The following PYM1 variants were observed in gnomAD, a reference collection of about 807,000 sequenced individuals.
PYM1 encodes PYM1 exon junction complex associated factor.
In PYM1, 7 loss-of-function variants were observed where a neutral mutation model predicts 20.7. The observed-to-expected ratio is 0.34, with a 90% confidence interval of 0.19 to 0.64. PYM1 has a LOEUF of 0.64. Ranked by LOEUF, PYM1 falls within the 30% of genes least tolerant of loss-of-function variation. The probability of loss-of-function intolerance (pLI) is 0.74; values close to 1 mark genes in which losing one functional copy is unlikely to be tolerated. For synonymous variants in PYM1, 100 were observed against 99.2 expected (o/e 1.01, Z -0.05); for missense variants, 194 against 250.0 (o/e 0.78, Z 1.51).
rs1883225917 is a variant in PYM1 at position 55,927,866 on chromosome 12, C to T, written c.-105G>A. 1 of 1,435,274 alleles carries T rather than the reference C, an allele frequency of 7.0e-7. No individual in the cohort carries two copies. The highest frequency in any genetic ancestry group is 1.4e-5 in the African/African-American group (1 of 70,190). 88.9% of individuals were successfully genotyped at this position (1,435,274 alleles called of 1,614,324 possible). A position where few individuals can be genotyped will look rare whatever the true frequency, so the allele number is the denominator to read the frequency against. ...GGCGAAGTGATGAGGGCCCTAGTTG[C>T]TTCTCGCCCAGACCTCCTAACCCTG... On this transcript the variant is annotated 5_prime_UTR_variant, in exon 1 of 3. Coordinates refer to ENST00000408946, the MANE Select transcript of PYM1 (RefSeq NM_032345.3).
At chr12:55,903,617 A>G (rs1208895709) in intron 1 of PYM1, 137 bp from the exon 2 acceptor site, 1 of 712,294 alleles carries the variant, frequency 1.4e-6, no homozygotes, top group Non-Finnish European at 2.3e-6. Flanking sequence ...CTTTTCTCAT[A>G]CCAACACTCA....
chr12:55,909,433 C>G (rs1283677563), intron 1 of PYM1, among the ~76,000 whole-genome samples: 1 of 152,190 alleles, frequency 6.6e-6, no homozygotes, highest in Non-Finnish European at 1.5e-5. Flanking sequence ...ATTTTAATAT[C>G]TGGCACATGG....
At chr12:55,908,505 A>G (rs894986177) in intron 1 of PYM1, among the ~76,000 whole-genome samples, 9 of 152,048 alleles carry the variant, frequency 5.9e-5, no homozygotes, top group Non-Finnish European at 7.4e-5. Context: ...CATGAATTAT[A>G]TATTATTACA....
chr12:55,922,509 C>T (rs1005401489), intron 1 of PYM1, among the ~76,000 whole-genome samples: 9 of 148,458 alleles, frequency 6.1e-5, no homozygotes, highest in Admixed American at 2.7e-4. Context: ...CCTAGATACT[C>T]AGGAGGCTGA....
chr12:55,920,438 G>T (rs1883078411), intron 1 of PYM1, among the ~76,000 whole-genome samples: 1 of 151,938 alleles, frequency 6.6e-6, no homozygotes, highest in African/African-American at 2.4e-5. Context: ...AGGAGTTCAA[G>T]ACCAGCCTAG....
At chr12:55,903,312 T>C in intron 2 of PYM1, 75 bp downstream of exon 2, 1 of 1,344,078 alleles carries the variant, frequency 7.4e-7, no homozygotes, top group East Asian at 2.3e-5. Flanking sequence ...CTCCCTGAAC[T>C]TGTAGGCATA....
chr12:55,905,335 T>C (rs528138637), intron 1 of PYM1, among the ~76,000 whole-genome samples: 3 of 151,860 alleles, frequency 2.0e-5, no homozygotes, highest in East Asian at 1.9e-4. Context: ...AAAGAGATCA[T>C]ATTCATTAAT....
chr12:55,927,168 C>T, intron 1 of PYM1: 1 of 1,551,122 alleles, frequency 6.4e-7, no homozygotes, highest in Non-Finnish European at 8.7e-7. Flanking sequence ...CCCTCCCCAC[C>T]GGAAGTGGAG....
intron 1 of PYM1, among the ~76,000 whole-genome samples, chr12:55,919,695 C>G (rs1390573316): frequency 6.6e-6 from 1 of 151,324 alleles, no homozygotes; most frequent in Non-Finnish European, 1.5e-5. Context: ...GTCAGGAGTT[C>G]GAGACCAGCC....
At chr12:55,927,509 C>T in intron 1 of PYM1, 2 of 688,268 alleles carry the variant, frequency 2.9e-6, no homozygotes, top group Non-Finnish European at 5.0e-6. Context: ...CTCTGGCCTG[C>T]ACCCAGATCT....
chr12:55,906,413 A>G (rs1473539538), intron 1 of PYM1, among the ~76,000 whole-genome samples: 1 of 152,138 alleles, frequency 6.6e-6, no homozygotes, highest in African/African-American at 2.4e-5. Flanking sequence ...TGATTAGTAT[A>G]ATTTGGTGCC....
Position 55,926,111 on chromosome 12 carries a change from T to C in PYM1, c.37+1614A>G, listed in dbSNP as rs12581069. ...CAGGCACACTGTTGCTTCTACAGAC[T>C]ACAGACTACACATATGAGGGCTACA... On this transcript the variant is annotated intron_variant, in intron 1 of 2. Coordinates refer to ENST00000408946, the MANE Select transcript of PYM1 (RefSeq NM_032345.3). Among the ~76,000 whole-genome samples, 341 of 152,312 alleles carry C rather than the reference T, an allele frequency of 2.2e-3. 12 individuals are homozygous for C. In the East Asian group the frequency reaches 0.061, roughly 27 times the overall value.
At chr12:55,904,923 C>CT (rs1882765838) in intron 1 of PYM1, among the ~76,000 whole-genome samples, 1 of 151,920 alleles carries the variant, frequency 6.6e-6, no homozygotes. Flanking sequence ...TAGTGGTCCT[C>CT]TAACTTTTTT....
chr12:55,926,122 CAT>C (rs1201904935), intron 1 of PYM1, among the ~76,000 whole-genome samples: 3 of 152,214 alleles, frequency 2.0e-5, no homozygotes, highest in African/African-American at 7.2e-5. Context: ...ACAGACTACA[CAT>C]ATGAGGGCTA....
chr12:55,909,028 T>G (rs181362547), intron 1 of PYM1, among the ~76,000 whole-genome samples: 1 of 152,000 alleles, frequency 6.6e-6, no homozygotes, highest in East Asian at 1.9e-4. Context: ...TTCAGGTGAA[T>G]GAGACAGTTC....
chr12:55,927,508 G>A, intron 1 of PYM1: 1 of 689,582 alleles, frequency 1.5e-6, no homozygotes, highest in Non-Finnish European at 2.5e-6. Flanking sequence ...GCTCTGGCCT[G>A]CACCCAGATC....
intron 1 of PYM1, among the ~76,000 whole-genome samples, chr12:55,923,411 CA>C (rs1180239980): frequency 2.0e-5 from 3 of 151,462 alleles, no homozygotes; most frequent in African/African-American, 7.3e-5. Flanking sequence ...ACAAAAAATA[CA>C]AAAATTAGCC....
chr12:55,915,895 C>T (rs1277023841), intron 1 of PYM1, among the ~76,000 whole-genome samples: 1 of 152,168 alleles, frequency 6.6e-6, no homozygotes, highest in Non-Finnish European at 1.5e-5. Context: ...CAGTGGAAAA[C>T]TCAGTATTTA....
At chr12:55,918,166 C>A (rs12299999) in intron 1 of PYM1, among the ~76,000 whole-genome samples, 4 of 150,668 alleles carry the variant, frequency 2.7e-5, no homozygotes, top group Non-Finnish European at 5.9e-5. Context: ...GGCGTGATCT[C>A]GGCTCACTGC....
Sources: allele counts gnomAD v4.1 joint callset (sites outside exome capture counted in the v4.1 genomes callset), GRCh38; gene constraint gnomAD v4.1.1; transcripts MANE v1.5; gene names NCBI Gene and HGNC (gene_info 2026-07-23, HGNC 2026-07-21).